ABCA12: variants seen among roughly 807,000 people sequenced by gnomAD.
ABCA12 encodes ATP binding cassette subfamily A member 12, also known as glucosylceramide transporter ABCA12.
In ABCA12, 156 loss-of-function variants were observed where a neutral mutation model predicts 293.5. That is an observed-to-expected ratio of 0.53 (90% CI 0.47 to 0.61). The LOEUF is 0.61. ABCA12 is among the 20% of genes least tolerant of loss of function. The probability of loss-of-function intolerance (pLI) is 0.00; values close to 1 mark genes in which losing one functional copy is unlikely to be tolerated. For missense variants in ABCA12, 2,797 were observed against 3,090.2 expected (o/e 0.91, Z 2.25); for synonymous variants, 1,063 against 1,108.0 (o/e 0.96, Z 0.81).
intron 47 of ABCA12, among the ~76,000 whole-genome samples, chr2:214,948,390 A>G (rs1456663824): frequency 3.9e-5 from 6 of 152,062 alleles, no homozygotes; most frequent in African/African-American, 1.4e-4. Flanking sequence ...TCTAAAGCTA[A>G]TTTCATAGGT....
chr2:215,029,915 G>A (rs1026040511), intron 9 of ABCA12, among the ~76,000 whole-genome samples: 3 of 152,038 alleles, frequency 2.0e-5, no homozygotes, highest in African/African-American at 7.2e-5. Flanking sequence ...GAGCTATGAG[G>A]AAAAAGTATT....
intron 9 of ABCA12, chr2:215,028,967 G>A (rs1316552866): frequency 6.6e-6 from 1 of 152,104 alleles, no homozygotes; most frequent in Non-Finnish European, 1.5e-5. Context: ...AAGATAAGCT[G>A]GAAGATGGGA....
At chr2:214,948,898 A>T in intron 46 of ABCA12, 142 bp downstream of exon 46, 1 of 1,175,182 alleles carries the variant, frequency 8.5e-7, no homozygotes, top group Non-Finnish European at 1.2e-6. Context: ...AAACATTTAA[A>T]CATTTCCACC....
At chr2:214,997,951 C>A in intron 22 of ABCA12, 142 bp from the exon 23 acceptor site, 1 of 612,720 alleles carries the variant, frequency 1.6e-6, no homozygotes, top group Non-Finnish European at 2.9e-6. Flanking sequence ...GGTATTACCC[C>A]ATTATTTACG....
intron 2 of ABCA12, among the ~76,000 whole-genome samples, chr2:215,090,081 C>T (rs912637884): frequency 6.6e-6 from 1 of 152,158 alleles, no homozygotes; most frequent in African/African-American, 2.4e-5. Flanking sequence ...GGCTCAGAAG[C>T]TCTCCCACTG....
chr2:214,972,269 T>C (rs1423068973), intron 36 of ABCA12, among the ~76,000 whole-genome samples: 1 of 152,208 alleles, frequency 6.6e-6, no homozygotes, highest in Non-Finnish European at 1.5e-5. Context: ...ACTTTATCCA[T>C]ATTGTATGTC....
At position 214,945,043 on chromosome 2, in the gene ABCA12, T is replaced by C. The variant is rs1277038235; in HGVS notation, c.7301A>G (p.Glu2434Gly). ...GACGGAACATTTGTTCTGTACTTCT[T>C]CTGAAATGATCTTCCAGAGGTGCCG... The part of the protein sequence containing the change: ...SKRHLWKIIS[E>G]EVQNKCSVIL... Residue 2434 changes from glutamate to glycine, a missense_variant, in exon 49 of 53, where the codon GAA becomes GGA. Coordinates refer to ENST00000272895, the MANE Select transcript of ABCA12 (RefSeq NM_173076.3). The C allele has an allele frequency of 6.2e-7, 1 of 1,613,862 alleles. No individual in the cohort carries two copies. Among genetic ancestry groups the C allele is most frequent in the East Asian group, 2.2e-5 (1 of 44,862 alleles).
At chr2:214,977,100 AG>A (rs2105959884) in intron 33 of ABCA12, among the ~76,000 whole-genome samples, 1 of 152,366 alleles carries the variant, frequency 6.6e-6, no homozygotes, top group South Asian at 2.1e-4. Flanking sequence ...TCTCTGCAAA[AG>A]GGAACTGTAG....
intron 2 of ABCA12, among the ~76,000 whole-genome samples, chr2:215,105,782 C>T (rs186114422): frequency 5.3e-5 from 8 of 152,000 alleles, no homozygotes; most frequent in Admixed American, 2.0e-4. Context: ...GGGAGGTAAA[C>T]GAAGGGAGGA....
intron 7 of ABCA12, 53 bp downstream of exon 7, chr2:215,045,784 T>C (rs1166552178): frequency 2.0e-6 from 3 of 1,535,950 alleles, no homozygotes; most frequent in Non-Finnish European, 2.7e-6. Context: ...AACATTTTTT[T>C]AAACACTTCT....
intron 50 of ABCA12, among the ~76,000 whole-genome samples, chr2:214,940,631 TGCC>T: frequency 6.6e-6 from 1 of 152,204 alleles, no homozygotes; most frequent in Non-Finnish European, 1.5e-5. Flanking sequence ...TGTTAATTAG[TGCC>T]TCAATATCAG....
Position 215,026,114 on chromosome 2 carries a change from C to T in ABCA12, c.1181-335G>A, listed in dbSNP as rs557388250. On this transcript the variant is annotated intron_variant, in intron 10 of 52. Transcript: ENST00000272895. ...TTGGAAAGAATAGGTTATAGAATCA[C>T]TGTGATATAAATATGCCTTTCCAAC... is the stretch of plus-strand genomic sequence containing the variant. 1.0e-3 allele frequency among the ~76,000 whole-genome samples: 152 copies of T among 152,260 alleles called. 1 individual carries two copies. The highest frequency in any genetic ancestry group is 1.2e-3 in the Non-Finnish European group (85 of 68,026).
chr2:215,007,447 T>C (rs1053854464), intron 19 of ABCA12, among the ~76,000 whole-genome samples: 1 of 152,178 alleles, frequency 6.6e-6, no homozygotes, highest in Non-Finnish European at 1.5e-5. Flanking sequence ...TTTAAACTTT[T>C]GAAAAACTGA....
rs1389284792 is a variant in ABCA12, at chr2:215,018,020, A to T, written c.1770T>A (p.Asp590Glu). ...CATGACACCCCACCTCAGCTCTATT[A>T]TCAGGGATGGGAATGGCCAGCAACT... ...IDKLLAIPIP[D>E]NRAEIISQVF... Residue 590 changes from aspartate to glutamate, a missense_variant, in exon 14 of 53, where the codon GAT (aspartate) becomes GAA (glutamate). Coordinates refer to ENST00000272895, the MANE Select transcript of ABCA12 (RefSeq NM_173076.3). 1.2e-6 allele frequency: 2 copies of T among 1,614,140 alleles called. No homozygotes were observed. Among genetic ancestry groups the T allele is most frequent in the South Asian group, 1.1e-5 (1 of 91,088 alleles).
Position 214,937,542 on chromosome 2 carries a change from T to G in ABCA12, c.7510A>C (p.Met2504Leu). ...TATGTTTTTGGAAAGTGCAGCTGCA[T>G]GAACTTTGTGAGGGTCTCCATGGTC... ...KVTMETLTKFMQLHFPKTYLK... is the reference protein window; with the variant it reads ...KVTMETLTKFLQLHFPKTYLK... Residue 2504 changes from methionine to leucine, a missense_variant, in exon 51 of 53, where the codon ATG becomes CTG. By Grantham distance (15) the Met-to-Leu change is conservative. This residue lies in a region of ABCA12 where 2,130 missense variants were observed against 2,427.0 expected (regional missense o/e 0.88). Transcript: ENST00000272895. The G allele has an allele frequency of 6.2e-7, 1 of 1,613,968 alleles. No individual in the cohort carries two copies. The highest frequency in any genetic ancestry group is 8.5e-7 in the Non-Finnish European group (1 of 1,179,890).
At position 214,958,502 on chromosome 2, in the gene ABCA12, T is replaced by C. The variant is rs774949410; in HGVS notation, c.5940-48A>G. 1.2e-5 allele frequency: 19 copies of C among 1,586,294 alleles called. No individual in the cohort carries two copies. In the South Asian group the frequency reaches 2.0e-4, roughly 17 times the overall value. On this transcript the variant is annotated intron_variant, in intron 40 of 52. Transcript: ENST00000272895. ...GAAAACACACATAAGTTTTTGAAAC[T>C]CTTTTCCTTTCAGAAAGATTCATAA...
intron 34 of ABCA12, 104 bp from the exon 35 acceptor site, chr2:214,974,968 C>A (rs1191019055): frequency 9.3e-7 from 1 of 1,079,858 alleles, no homozygotes; most frequent in Non-Finnish European, 1.4e-6. Flanking sequence ...GAAGGGTTTT[C>A]TTTTTCTTTT....
At chr2:215,038,187 T>C (rs1701028706) in intron 7 of ABCA12, among the ~76,000 whole-genome samples, 1 of 152,212 alleles carries the variant, frequency 6.6e-6, no homozygotes, top group Non-Finnish European at 1.5e-5. Flanking sequence ...TATGTGTGTA[T>C]GTTTATAAAC....
At position 215,007,852 on chromosome 2, in the gene ABCA12, T is replaced by C. The variant is rs768994821; in HGVS notation, c.2473-6A>G. The C allele has an allele frequency of 3.3e-5, 53 of 1,613,874 alleles. 1 individual carries two copies. The highest frequency in any genetic ancestry group is 2.4e-4 in the South Asian group (22 of 91,074). ...TGTCTCAGAGTTACATTGGACTTAA[T>C]GACAAAGAAACAAAAGAAGTGTGAT... On this transcript the variant is annotated splice_region_variant and splice_polypyrimidine_tract_variant and intron_variant, in intron 18 of 52. Coordinates refer to ENST00000272895, the MANE Select transcript of ABCA12 (RefSeq NM_173076.3).
Sources: allele counts gnomAD v4.1 joint callset (sites outside exome capture counted in the v4.1 genomes callset), GRCh38; gene constraint gnomAD v4.1.1; regional missense constraint gnomAD v4.1.1; transcripts MANE v1.5; gene names NCBI Gene and HGNC (gene_info 2026-07-23, HGNC 2026-07-21).